CGNL1: variants seen among roughly 807,000 people sequenced by gnomAD.
The protein encoded by CGNL1 is cingulin-like protein 1.
CGNL1 carries 132 observed loss-of-function variants against 141.2 expected under a neutral mutation model. The ratio of observed to expected loss-of-function variants is 0.93; its 90% CI spans 0.81 to 1.08. The LOEUF is 1.08. CGNL1 is among the 50% of genes least tolerant of loss of function. CGNL1 has a pLI of 0.00. For synonymous variants in CGNL1, 690 were observed against 622.1 expected (o/e 1.11, Z -1.63); for missense variants, 1,870 against 1,588.6 (o/e 1.18, Z -3.01).
chr15:57,532,072 A>G (rs181110258), intron 14 of CGNL1, among the ~76,000 whole-genome samples: 71 of 152,298 alleles, frequency 4.7e-4, no homozygotes, highest in African/African-American at 1.6e-3. Context: ...GAAAGTGCCA[A>G]TGCTAGTCAA....
intron 13 of CGNL1, 26 bp from the exon 14 acceptor site, chr15:57,531,664 A>T (rs760943743): frequency 6.6e-7 from 1 of 1,504,908 alleles, no homozygotes; most frequent in Non-Finnish European, 9.3e-7. Flanking sequence ...AAGTTAAGTC[A>T]ACTGTGTTTG....
intron 8 of CGNL1, among the ~76,000 whole-genome samples, chr15:57,505,041 A>G (rs776948228): frequency 3.3e-5 from 5 of 152,074 alleles, no homozygotes; most frequent in Non-Finnish European, 7.4e-5. Context: ...AGGGGGTGGC[A>G]TTTTATTCTC....
intron 16 of CGNL1, 135 bp downstream of exon 16, chr15:57,544,732 TTTA>T: frequency 9.4e-7 from 1 of 1,060,428 alleles, no homozygotes; most frequent in East Asian, 2.6e-5. Context: ...CACCCTTACT[TTTA>T]TTATTTCCAT....
At chr15:57,413,884 C>A (rs534983380) in intron 1 of CGNL1, among the ~76,000 whole-genome samples, 5 of 152,308 alleles carry the variant, frequency 3.3e-5, no homozygotes, top group Non-Finnish European at 5.9e-5. Flanking sequence ...TTACAGGGAA[C>A]ATTCTGTGGC....
intron 1 of CGNL1, among the ~76,000 whole-genome samples, chr15:57,431,666 G>C (rs1467775283): frequency 1.3e-5 from 2 of 152,194 alleles, no homozygotes; most frequent in African/African-American, 4.8e-5. Context: ...CTGTGGCCCA[G>C]GATGGCTTTG....
At chr15:57,476,191 G>C (rs1449311970) in intron 8 of CGNL1, among the ~76,000 whole-genome samples, 3 of 152,152 alleles carry the variant, frequency 2.0e-5, no homozygotes, top group Non-Finnish European at 4.4e-5. Context: ...TCGGAAAAGG[G>C]TGACTTTGCT....
chr15:57,405,391 C>G (rs935737800), intron 1 of CGNL1, among the ~76,000 whole-genome samples: 3 of 152,226 alleles, frequency 2.0e-5, no homozygotes, highest in Non-Finnish European at 2.9e-5. Context: ...CTGGGCTACC[C>G]TTAGGTGCTG....
chr15:57,472,954 A>C (rs1266623097), intron 8 of CGNL1, among the ~76,000 whole-genome samples: 2 of 152,314 alleles, frequency 1.3e-5, no homozygotes, highest in African/African-American at 2.4e-5. Context: ...GTGCTTGCCT[A>C]TCTCCCCATG....
chr15:57,518,258 G>T, intron 9 of CGNL1, 135 bp from the exon 10 acceptor site: 1 of 652,090 alleles, frequency 1.5e-6, no homozygotes, highest in Non-Finnish European at 2.7e-6. Flanking sequence ...GCCACCTTGG[G>T]TCTGTGACAG....
chr15:57,489,789 G>A (rs1380075309), intron 8 of CGNL1, among the ~76,000 whole-genome samples: 1 of 152,226 alleles, frequency 6.6e-6, no homozygotes, highest in Non-Finnish European at 1.5e-5. Flanking sequence ...GGATATTAAA[G>A]CATCTGCTCA....
intron 8 of CGNL1, among the ~76,000 whole-genome samples, chr15:57,510,478 G>T (rs1049478656): frequency 1.3e-5 from 2 of 152,210 alleles, no homozygotes; most frequent in African/African-American, 4.8e-5. Context: ...ATTTATGTCT[G>T]TGTTAGGATG....
chr15:57,377,983 A>C (rs902636800), intron 1 of CGNL1, among the ~76,000 whole-genome samples: 9 of 152,180 alleles, frequency 5.9e-5, no homozygotes, highest in Admixed American at 2.6e-4. Context: ...TTTGTGGTTG[A>C]TATTTGTGTT....
In CGNL1 at chr15:57,504,646, C is replaced by T. The variant is rs547319444; in HGVS notation, c.2404-12134C>T. Among the ~76,000 whole-genome samples the T allele has an allele frequency of 9.9e-5, 15 of 152,278 alleles. No homozygotes were observed. The South Asian group carries it at 1.2e-3, about 13-fold the overall frequency. On this transcript the variant is annotated intron_variant, in intron 8 of 18. Coordinates refer to ENST00000281282, the MANE Select transcript of CGNL1 (RefSeq NM_032866.5). ...GTTGGTTGCTTTGTTCCTGAGTCCC[C>T]GGGGGACCCAGGTGTTGGTGATCTC...
At chr15:57,468,619 A>G (rs183076060) in intron 8 of CGNL1, among the ~76,000 whole-genome samples, 119 of 152,084 alleles carry the variant, frequency 7.8e-4, no homozygotes, top group African/African-American at 2.8e-3. Flanking sequence ...GAGTTAAAAT[A>G]GGAAAGGTGG....
Position 57,440,358 on chromosome 15 carries a change from A to T in CGNL1, c.1603-19A>T, listed in dbSNP as rs1314043528. On this transcript the variant is annotated intron_variant, in intron 2 of 18. Coordinates refer to ENST00000281282, the MANE Select transcript of CGNL1 (RefSeq NM_032866.5). ...GGGAACTTCATCCTCATGGTCTAAC[A>T]ACAGGCCTTATGTTCCAGGCCACAC... is the stretch of plus-strand genomic sequence containing the variant. 1 of 1,573,828 alleles carries T rather than the reference A, an allele frequency of 6.4e-7. No homozygotes were observed. The highest frequency in any genetic ancestry group is 8.7e-7 in the Non-Finnish European group (1 of 1,154,348).
At chr15:57,465,112 C>T (rs2063495173) in intron 8 of CGNL1, among the ~76,000 whole-genome samples, 2 of 152,100 alleles carry the variant, frequency 1.3e-5, no homozygotes, top group South Asian at 2.1e-4. Context: ...GCTTTTGCTT[C>T]TGAAGGTGGC....
intron 8 of CGNL1, among the ~76,000 whole-genome samples, chr15:57,512,558 A>G (rs2030407787): frequency 6.6e-6 from 1 of 152,220 alleles, no homozygotes; most frequent in African/African-American, 2.4e-5. Context: ...TCCTAGAGTC[A>G]TACTCAGCCC....
At chr15:57,542,337 TG>T (rs1302279904) in intron 14 of CGNL1, among the ~76,000 whole-genome samples, 1 of 152,120 alleles carries the variant, frequency 6.6e-6, no homozygotes, top group Non-Finnish European at 1.5e-5. Flanking sequence ...AAGGAAAAGG[TG>T]GTTTTATTTT....
intron 1 of CGNL1, among the ~76,000 whole-genome samples, chr15:57,405,794 C>A (rs1424651619): frequency 4.1e-5 from 5 of 122,698 alleles, no homozygotes; most frequent in Non-Finnish European, 8.2e-5. Flanking sequence ...TTCTTTCTTT[C>A]TTTCTTTCTT....
Sources: gnomAD v4.1 joint callset for allele counts (sites outside exome capture counted in the v4.1 genomes callset) on GRCh38, gnomAD v4.1.1 for gene constraint, MANE v1.5 for transcripts, NCBI Gene and HGNC (gene_info 2026-07-23, HGNC 2026-07-21) for gene names.